Variants in GRHL1 observed in about 807,000 individuals in gnomAD.
The protein encoded by GRHL1 is grainyhead-like protein 1 homolog.
In GRHL1, 38 loss-of-function variants were observed where a neutral mutation model predicts 75.7. The observed-to-expected ratio is 0.50, with a 90% CI of 0.39 to 0.66. The LOEUF (loss-of-function observed/expected upper bound fraction) is 0.66. Ranked by LOEUF, GRHL1 falls within the 30% of genes least tolerant of loss-of-function variation. The probability of loss-of-function intolerance (pLI) is 0.00; values close to 1 mark genes in which losing one functional copy is unlikely to be tolerated. For synonymous variants in GRHL1, 266 were observed against 279.4 expected, an observed-to-expected ratio of 0.95 and a Z score of 0.48; for missense variants, 589 against 767.5, an observed-to-expected ratio of 0.77 and a Z score of 2.75.
intron 5 of GRHL1, among the ~76,000 whole-genome samples, chr2:9,962,851 A>G (rs1213687809): frequency 2.6e-5 from 4 of 152,106 alleles, no homozygotes; most frequent in Non-Finnish European, 4.4e-5. Context: ...TCTGTTGCCA[A>G]ATATATATAA....
chr2:9,957,931 G>T, intron 2 of GRHL1, among the ~76,000 whole-genome samples: 1 of 152,184 alleles, frequency 6.6e-6, no homozygotes, highest in Non-Finnish European at 1.5e-5. Flanking sequence ...TTGTCCTTTG[G>T]GTGATGGACG....
At chr2:9,981,350 G>A (rs977979322) in intron 8 of GRHL1, among the ~76,000 whole-genome samples, 2 of 152,184 alleles carry the variant, frequency 1.3e-5, no homozygotes, top group African/African-American at 2.4e-5. Flanking sequence ...CCAGGAAGTC[G>A]CTTATGCGGA....
chr2:9,978,747 T>C (rs1019741003), intron 8 of GRHL1, among the ~76,000 whole-genome samples: 7 of 152,066 alleles, frequency 4.6e-5, no homozygotes, highest in African/African-American at 1.2e-4. Context: ...TCCCAGCACT[T>C]TGGGAGGCCG....
chr2:9,951,962 G>A lies in GRHL1; in HGVS notation c.20+109G>A. On this transcript the variant is annotated intron_variant, in intron 1 of 15. Coordinates refer to ENST00000324907, the MANE Select transcript of GRHL1 (RefSeq NM_198182.3). This position sits in a 1 kb window ranked among gnomAD's most constrained non-coding sequence, Gnocchi z 4.2. The stretch of plus-strand genomic sequence containing the variant: ...CGAGGCCGCGCGGGCGGGCGGGCGC[G>A]GGGCGCGAGCCGGGGGCCGCTGTCC... 1.7e-6 allele frequency: 1 copy of A among 580,724 alleles called. No homozygotes were observed. The highest frequency in any genetic ancestry group is 2.2e-6 in the Non-Finnish European group (1 of 454,296). 36.0% of individuals were successfully genotyped at this position (580,724 alleles called of 1,614,324 possible). A position where few individuals can be genotyped will look rare whatever the true frequency, so the allele number is the denominator to read the frequency against.
rs1302533958 is a variant in GRHL1, at chr2:10,000,581, C to G, written c.1743-12C>G. On this transcript the variant is annotated splice_polypyrimidine_tract_variant and intron_variant, in intron 15 of 15. Coordinates refer to ENST00000324907, the MANE Select transcript of GRHL1 (RefSeq NM_198182.3). ...GCAGTGAAGTTGGTTGGTCTTGTCCCCCCCCATCCAGGATCCTGGTGAACA... is the reference window on the plus strand; with the variant it reads ...GCAGTGAAGTTGGTTGGTCTTGTCCGCCCCCATCCAGGATCCTGGTGAACA... 3 of 1,549,382 alleles carry G rather than the reference C, an allele frequency of 1.9e-6. No homozygotes were observed. The highest frequency in any genetic ancestry group is 1.8e-6 in the Non-Finnish European group (2 of 1,122,088).
intron 8 of GRHL1, among the ~76,000 whole-genome samples, chr2:9,975,597 G>A (rs1667913135): frequency 6.6e-6 from 1 of 152,146 alleles, no homozygotes; most frequent in Non-Finnish European, 1.5e-5. Context: ...ATAAACACAG[G>A]CCGGGCGCGG....
chr2:9,958,174 C>CTTTTTTTTTTT (rs61051898), intron 2 of GRHL1, among the ~76,000 whole-genome samples: 9 of 130,758 alleles, frequency 6.9e-5, no homozygotes, highest in Admixed American at 1.5e-4. Flanking sequence ...TTCTTTTTTT[C>CTTTTTTTTTTT]TTTTTTTTTT....
At chr2:9,973,376 G>T (rs6739827) in intron 8 of GRHL1, among the ~76,000 whole-genome samples, 3 of 151,810 alleles carry the variant, frequency 2.0e-5, no homozygotes, top group African/African-American at 7.3e-5. Context: ...AAAGCCCAGA[G>T]AGAAGGAAGG....
chr2:9,970,706 C>A (rs1667689067), intron 8 of GRHL1, among the ~76,000 whole-genome samples: 1 of 152,228 alleles, frequency 6.6e-6, no homozygotes, highest in South Asian at 2.1e-4. Context: ...ATCAGAGCGC[C>A]TTGTTCCCTG....
chr2:9,962,588 TC>T, intron 5 of GRHL1, 57 bp downstream of exon 5: 1 of 949,060 alleles, frequency 1.1e-6, no homozygotes, highest in Non-Finnish European at 1.7e-6. Flanking sequence ...CTTATTCCTT[TC>T]TTGTTAACTT....
chr2:9,983,103 A>C (rs1047422701), intron 8 of GRHL1, among the ~76,000 whole-genome samples: 1 of 152,146 alleles, frequency 6.6e-6, no homozygotes, highest in African/African-American at 2.4e-5. Context: ...TGTCCCCTCC[A>C]CACCAGCATA....
At chr2:9,976,030 A>G (rs1201511853) in intron 8 of GRHL1, among the ~76,000 whole-genome samples, 2 of 152,224 alleles carry the variant, frequency 1.3e-5, no homozygotes, top group Non-Finnish European at 2.9e-5. Flanking sequence ...GGGTCAAAGA[A>G]TGGTATAAAA....
intron 8 of GRHL1, among the ~76,000 whole-genome samples, chr2:9,978,875 C>T (rs1668066708): frequency 6.6e-6 from 1 of 152,138 alleles, no homozygotes; most frequent in South Asian, 2.1e-4. Context: ...CCTGTAATCC[C>T]AGCTACATGG....
chr2:9,994,489 T>A (rs1346489781), intron 12 of GRHL1, among the ~76,000 whole-genome samples: 2 of 152,138 alleles, frequency 1.3e-5, no homozygotes, highest in African/African-American at 4.8e-5. Flanking sequence ...TCTTCCCTCA[T>A]CTTCCATCCA....
Position 9,963,922 on chromosome 2 carries a change from A to G in GRHL1, c.783A>G (p.Ser261=). The stretch of plus-strand genomic sequence containing the variant: ...AATATACCCTAGAAGCTTCAAAATC[A>G]CTTCGACAGAAGCCAGGAGACAGTA... ...NFEYTLEASK[S]LRQKPGDSTM... The change falls in exon 6 of 16, where the codon TCA becomes TCG. Residue 261 remains serine (S), a synonymous_variant. Transcript: ENST00000324907. 6.2e-7 allele frequency: 1 copy of G among 1,613,942 alleles called. No homozygotes were observed. Among genetic ancestry groups the G allele is most frequent in the East Asian group, 2.2e-5 (1 of 44,878 alleles).
chr2:9,963,767 GTAC>G, intron 5 of GRHL1, 116 bp from the exon 6 acceptor site: 1 of 659,050 alleles, frequency 1.5e-6, no homozygotes, highest in African/African-American at 1.9e-5. Flanking sequence ...TAGCTGCTGA[GTAC>G]TTTTGTTTCA....
intron 8 of GRHL1, among the ~76,000 whole-genome samples, chr2:9,970,862 A>G (rs2125219944): frequency 6.6e-6 from 1 of 152,344 alleles, no homozygotes; most frequent in Non-Finnish European, 1.5e-5. Flanking sequence ...TACAAAGGAA[A>G]GAGGATTAAA....
Position 9,964,020 on chromosome 2 carries a change from A to G in GRHL1, c.881A>G (p.His294Arg). 6.2e-7 allele frequency: 1 copy of G among 1,613,904 alleles called. No homozygotes were observed. Among genetic ancestry groups the G allele is most frequent in the Non-Finnish European group, 8.5e-7 (1 of 1,179,858 alleles). Residue 294 changes from histidine (H) to arginine (R), a missense_variant, in exon 6 of 16, where the codon CAT (histidine) becomes CGT (arginine). His to Arg is a conservative substitution (Grantham distance 29). Around this residue, in one of 5 missense-constraint regions of GRHL1, gnomAD observed 362 missense variants for 461.8 expected, o/e 0.78. Coordinates refer to ENST00000324907, the MANE Select transcript of GRHL1 (RefSeq NM_198182.3). Reference sequence around the variant, plus strand: ...GAGGTGAGCAGCAGTGAAGGAATCCATCATCCCATCAGCAAAGTTCGAGTA... The same window carrying G: ...GAGGTGAGCAGCAGTGAAGGAATCCGTCATCCCATCAGCAAAGTTCGAGTA... ...LKEVSSSEGIHHPISKVRSVI... is the reference protein window; with the variant it reads ...LKEVSSSEGIRHPISKVRSVI...
chr2:9,975,230 A>T (rs1348504342), intron 8 of GRHL1, among the ~76,000 whole-genome samples: 2 of 152,258 alleles, frequency 1.3e-5, no homozygotes, highest in Non-Finnish European at 2.9e-5. Context: ...TAAATGCACC[A>T]TTGAAGGGAT....
Sources: allele counts gnomAD v4.1 joint callset (sites outside exome capture counted in the v4.1 genomes callset), GRCh38; gene constraint gnomAD v4.1.1; regional missense constraint gnomAD v4.1.1; non-coding constraint Gnocchi (gnomAD v3.1); transcripts MANE v1.5; gene names NCBI Gene and HGNC (gene_info 2026-07-23, HGNC 2026-07-21).